STAB2: variants seen among roughly 807,000 people sequenced by gnomAD.
STAB2 encodes the protein stabilin 2.
In STAB2, 288 loss-of-function variants were observed where a neutral mutation model predicts 338.1. That is an observed-to-expected ratio of 0.85 (90% confidence interval 0.77 to 0.94). The LOEUF (loss-of-function observed/expected upper bound fraction) is 0.94, where lower values mean the gene tolerates loss of function less well. STAB2 is among the 40% of genes least tolerant of loss of function. The pLI is 0.00. For synonymous variants in STAB2, 1,202 were observed against 1,193.3 expected (o/e 1.01, Z -0.15); for missense variants, 3,141 against 3,210.1 (o/e 0.98, Z 0.52).
At chr12:103,646,437 C>T (rs749902499) in intron 9 of STAB2, among the ~76,000 whole-genome samples, 6 of 152,134 alleles carry the variant, frequency 3.9e-5, no homozygotes, top group African/African-American at 7.2e-5. Context: ...TTGTCCTTGT[C>T]GTTATCATCT....
chr12:103,722,597 C>A (rs1880852496), intron 44 of STAB2, among the ~76,000 whole-genome samples: 1 of 152,156 alleles, frequency 6.6e-6, no homozygotes, highest in Admixed American at 6.5e-5. Context: ...TAACACTTTA[C>A]CCTGGAAAAT....
intron 6 of STAB2, among the ~76,000 whole-genome samples, chr12:103,635,446 C>T (rs930017973): frequency 6.6e-6 from 1 of 152,320 alleles, no homozygotes; most frequent in African/African-American, 2.4e-5. Flanking sequence ...TTCTTAGCCC[C>T]ACATGGTTTC....
intron 39 of STAB2, among the ~76,000 whole-genome samples, chr12:103,709,946 A>T (rs1879702491): frequency 6.6e-6 from 1 of 152,000 alleles, no homozygotes; most frequent in Admixed American, 6.6e-5. Flanking sequence ...CAATCTAGGA[A>T]CCTCCCTACT....
chr12:103,702,294 A>ATT (rs34124272), intron 34 of STAB2, among the ~76,000 whole-genome samples: 5,069 of 143,544 alleles, frequency 0.035, 221 homozygotes, highest in East Asian at 0.1. Flanking sequence ...ATTATCAGTT[A>ATT]TTTTTTTTTT....
intron 21 of STAB2, among the ~76,000 whole-genome samples, chr12:103,670,155 A>C (rs776303556): frequency 6.6e-6 from 1 of 152,132 alleles, no homozygotes; most frequent in Non-Finnish European, 1.5e-5. Context: ...TTCAAGGGGA[A>C]AGTATCAGCC....
chr12:103,700,495 T>G (rs1237153179), intron 34 of STAB2, among the ~76,000 whole-genome samples: 4 of 152,252 alleles, frequency 2.6e-5, no homozygotes, highest in Non-Finnish European at 4.4e-5. Flanking sequence ...CTTGATTGAT[T>G]AAAGAATAAT....
rs369186851 is a variant in STAB2 at position 103,680,134 on chromosome 12, G to A, written c.2805+2523G>A. Reference sequence around the variant, plus strand: ...CTGCCGGGAGCTAGAGTAGGGAGAGGAACGAGGAGTTATTGTGTAACGGGT... The same window carrying A: ...CTGCCGGGAGCTAGAGTAGGGAGAGAAACGAGGAGTTATTGTGTAACGGGT... On this transcript the variant is annotated intron_variant, in intron 25 of 68. Coordinates refer to ENST00000388887, the MANE Select transcript of STAB2 (RefSeq NM_017564.10). Among the ~76,000 whole-genome samples the A allele has an allele frequency of 3.9e-5, 6 of 152,298 alleles. No individual in the cohort carries two copies. In the East Asian group the frequency reaches 1.2e-3, roughly 29 times the overall value.
rs74731264 is a variant in STAB2, at chr12:103,655,063, C to T, written c.1552-188C>T. Among the ~76,000 whole-genome samples, 545 of 152,306 alleles carry T rather than the reference C, an allele frequency of 3.6e-3. 7 individuals carry two copies. Among genetic ancestry groups the T allele is most frequent in the African/African-American group, 0.013 (529 of 41,554 alleles). On this transcript the variant is annotated intron_variant, in intron 13 of 68. Transcript: ENST00000388887. ...ATGAGGGCCAAAGGATACTTCAGAA[C>T]ATGCAGATCTGAACTACTGTTTCAA...
rs755307975 is a variant in STAB2 at position 103,640,213 on chromosome 12, C to T, written c.997C>T (p.His333Tyr). 1.2e-6 allele frequency: 2 copies of T among 1,613,696 alleles called. No homozygotes were observed. The highest frequency in any genetic ancestry group is 2.2e-5 in the South Asian group (2 of 91,040). The change falls in exon 9 of 69, where the codon CAT becomes TAT. Residue 333 changes from histidine (H) to tyrosine (Y), a missense_variant. Transcript: ENST00000388887. Reference protein sequence around the residue: ...TDICKSDNPCHRNANCTTVAP... With the variant: ...TDICKSDNPCYRNANCTTVAP... ...TATATGTAAATCAGATAACCCGTGT[C>T]ATAGGAATGCAAATTGCACCACCGT...
In STAB2 at chr12:103,692,328, G is replaced by A. The variant is rs577681990; in HGVS notation, c.3298-484G>A. 3.9e-5 allele frequency among the ~76,000 whole-genome samples: 6 copies of A among 152,252 alleles called. No individual in the cohort carries two copies. The East Asian group carries it at 1.2e-3, about 29-fold the overall frequency. ...ACTTTAACTTGATCATCTCTGTGAA[G>A]ACCCTGTCTGTAAAGTCATCATCTG... On this transcript the variant is annotated intron_variant, in intron 30 of 68. Coordinates refer to ENST00000388887, the MANE Select transcript of STAB2 (RefSeq NM_017564.10).
At chr12:103,625,246 T>A (rs1957363214) in intron 5 of STAB2, among the ~76,000 whole-genome samples, 1 of 152,230 alleles carries the variant, frequency 6.6e-6, no homozygotes, top group Non-Finnish European at 1.5e-5. Context: ...TGGTTACTGA[T>A]GAGCACAGAT....
At chr12:103,715,413 C>T (rs1437552273) in intron 42 of STAB2, among the ~76,000 whole-genome samples, 1 of 152,172 alleles carries the variant, frequency 6.6e-6, no homozygotes, top group Admixed American at 6.5e-5. Context: ...AGTTTAGCAT[C>T]TTTTGATGAT....
chr12:103,711,369 A>C, intron 39 of STAB2, 102 bp from the exon 40 acceptor site: 1 of 1,466,520 alleles, frequency 6.8e-7, no homozygotes, highest in Non-Finnish European at 9.5e-7. Context: ...CACATGATAC[A>C]TATCACTTCC....
intron 42 of STAB2, 75 bp from the exon 43 acceptor site, chr12:103,715,740 G>A: frequency 1.3e-6 from 2 of 1,553,362 alleles, no homozygotes; most frequent in Non-Finnish European, 1.8e-6. Flanking sequence ...AGCCATCTTA[G>A]CTCATCCCTC....
intron 3 of STAB2, among the ~76,000 whole-genome samples, chr12:103,604,311 TGG>T (rs1956995214): frequency 6.6e-6 from 1 of 152,108 alleles, no homozygotes; most frequent in African/African-American, 2.4e-5. Context: ...TTGGGGATGT[TGG>T]TGTATAGTTT....
chr12:103,653,752 A>G (rs1368821138), intron 12 of STAB2, among the ~76,000 whole-genome samples: 6 of 151,182 alleles, frequency 4.0e-5, no homozygotes, highest in African/African-American at 1.5e-4. Flanking sequence ...GGATGAATGG[A>G]TGGATGGATG....
intron 68 of STAB2, among the ~76,000 whole-genome samples, chr12:103,765,151 A>C (rs1266221560): frequency 2.0e-5 from 3 of 151,742 alleles, no homozygotes; most frequent in Admixed American, 2.0e-4. Flanking sequence ...TTGTTAACTA[A>C]GTACTGTTAT....
At position 103,669,594 on chromosome 12, in the gene STAB2, AG is replaced by A; in HGVS notation, c.2228del (p.Gly743AlafsTer61). 6.2e-7 allele frequency: 1 copy of A among 1,614,226 alleles called. No individual in the cohort carries two copies. The highest frequency in any genetic ancestry group is 8.5e-7 in the Non-Finnish European group (1 of 1,180,036). On this transcript the variant is annotated frameshift_variant, in exon 21 of 69. Transcript: ENST00000388887. LOFTEE classifies it high-confidence loss of function. ...GACCTGACTGCAACCAGTGTCCAGG[AG>A]GCTTCTCAAATCCATGCTCAGGAAA... is the stretch of plus-strand genomic sequence containing the variant. ...YGPDCNQCPG[G>X]FSNPCSGNGQ...
At chr12:103,764,682 C>T (rs1410164309) in intron 68 of STAB2, among the ~76,000 whole-genome samples, 1 of 152,134 alleles carries the variant, frequency 6.6e-6, no homozygotes, top group Non-Finnish European at 1.5e-5. Flanking sequence ...AGGTAAATAT[C>T]TTGTGGTTCT....
Sources: allele counts gnomAD v4.1 joint callset (sites outside exome capture counted in the v4.1 genomes callset), GRCh38; gene constraint gnomAD v4.1.1; transcripts MANE v1.5; gene names NCBI Gene and HGNC (gene_info 2026-07-23, HGNC 2026-07-21).